COX15: variants seen among roughly 807,000 people sequenced by gnomAD.
The protein encoded by COX15 is heme A synthase COX15.
COX15 carries 51 observed loss-of-function variants against 51.9 expected under a neutral mutation model. The observed-to-expected ratio is 0.98, with a 90% CI of 0.78 to 1.24. The LOEUF is 1.24. Ranked by LOEUF, COX15 falls within the 50% of genes most tolerant of loss-of-function variation. The probability of loss-of-function intolerance (pLI) is 0.00; values close to 1 mark genes in which losing one functional copy is unlikely to be tolerated. For missense variants in COX15, 420 were observed against 501.1 expected (o/e 0.84, Z 1.55); for synonymous variants, 188 against 190.5 (o/e 0.99, Z 0.11).
intron 6 of COX15, 94 bp from the exon 7 acceptor site, chr10:99,718,594 A>T: frequency 7.9e-7 from 1 of 1,265,310 alleles, no homozygotes; most frequent in Non-Finnish European, 1.2e-6. Context: ...TCCCAGAGTT[A>T]AACTAAGGGA....
intron 2 of COX15, among the ~76,000 whole-genome samples, chr10:99,728,220 G>A (rs2037025082): frequency 6.6e-6 from 1 of 152,106 alleles, no homozygotes; most frequent in South Asian, 2.1e-4. Flanking sequence ...GGTAATTAGG[G>A]CCCTGCCAAA....
At position 99,723,990 on chromosome 10, in the gene COX15, C is replaced by T; in HGVS notation, c.716G>A (p.Trp239Ter). 3 of 1,613,978 alleles carry T rather than the reference C, an allele frequency of 1.9e-6. No homozygotes were observed. The highest frequency in any genetic ancestry group is 2.5e-6 in the Non-Finnish European group (3 of 1,180,012). The change falls in exon 5 of 9, where the codon TGG (tryptophan) becomes TAG (stop). Residue 239 changes from tryptophan to a stop codon, truncating the protein, a stop_gained. Coordinates refer to ENST00000016171, the MANE Select transcript of COX15 (RefSeq NM_078470.6). LOFTEE classifies it high-confidence loss of function. ...AGGGAGTAGCAGTGACAGTGAGGTC[C>T]ACAAGCTGGCACAATAAAGAACCAG... ...SALVLYCASL[W>*]TSLSLLLPPH...
Position 99,714,521 on chromosome 10 carries a change from A to G in COX15, c.*66T>C. 2 of 1,612,134 alleles carry G rather than the reference A, an allele frequency of 1.2e-6. No individual in the cohort carries two copies. The highest frequency in any genetic ancestry group is 1.3e-5 in the African/African-American group (1 of 75,006). On this transcript the variant is annotated 3_prime_UTR_variant, in exon 9 of 9. Coordinates refer to ENST00000016171, the MANE Select transcript of COX15 (RefSeq NM_078470.6). Reference sequence around the variant, plus strand: ...CAAGGTCATCTCGTAGAAAAGCCCAAGTTCTTATGATCTCTGAAGAGCTCT... The same window carrying G: ...CAAGGTCATCTCGTAGAAAAGCCCAGGTTCTTATGATCTCTGAAGAGCTCT...
intron 4 of COX15, 133 bp from the exon 5 acceptor site, chr10:99,724,256 C>T: frequency 1.0e-6 from 1 of 986,722 alleles, no homozygotes; most frequent in Non-Finnish European, 1.5e-6. Flanking sequence ...GATCTTGGCT[C>T]ACTGCAATCT....
rs148369594 is a variant in COX15, at chr10:99,731,857, T to C, written c.90+103A>G. On this transcript the variant is annotated intron_variant, in intron 1 of 8. Coordinates refer to ENST00000016171, the MANE Select transcript of COX15 (RefSeq NM_078470.6). ...GAACCTATGCGTTGTGAGTGCACTG[T>C]AAGGAGCTCCGGAAACGTGATGTGG... 36 of 1,461,592 alleles carry C rather than the reference T, an allele frequency of 2.5e-5. No homozygotes were observed. In the East Asian group the frequency reaches 8.4e-4, roughly 34 times the overall value. The allele number at this position is 1,461,592 out of a possible 1,614,324, so 90.5% of individuals were successfully genotyped here. A position where few individuals can be genotyped will look rare whatever the true frequency, so the allele number is the denominator to read the frequency against.
In COX15 at chr10:99,714,866, T is replaced by A. The variant is rs1053145836; in HGVS notation, c.1102-148A>T. 1.3e-5 allele frequency: 19 copies of A among 1,413,478 alleles called. No individual in the cohort carries two copies. The African/African-American group carries it at 2.1e-4, about 16-fold the overall frequency. 87.6% of individuals were successfully genotyped at this position (1,413,478 alleles called of 1,614,324 possible). A position where few individuals can be genotyped will look rare whatever the true frequency, so the allele number is the denominator to read the frequency against. On this transcript the variant is annotated intron_variant, in intron 8 of 8. Coordinates refer to ENST00000016171, the MANE Select transcript of COX15 (RefSeq NM_078470.6). ...ACATTTTTAATTTCACAAGCAAATA[T>A]GCTTACAATGAAAGAAATTCGAACA...
chr10:99,702,679 G>A, the COX15 span: 1 of 1,603,042 alleles, frequency 6.2e-7, no homozygotes, highest in East Asian at 2.2e-5. Flanking sequence ...CTCAGGTAAA[G>A]TAAGACTGAC....
rs753834020 is a variant in COX15, at chr10:99,716,338, T to A, written c.1101+10A>T. The A allele has an allele frequency of 1.3e-6, 2 of 1,578,616 alleles. No individual in the cohort carries two copies. ...GGGATACTGTCAGAACAAAAAGAAGTGGTTTATACCTGTGTATACGCCAAA... is the reference window on the plus strand; with the variant it reads ...GGGATACTGTCAGAACAAAAAGAAGAGGTTTATACCTGTGTATACGCCAAA... On this transcript the variant is annotated intron_variant, in intron 8 of 8. Transcript: ENST00000016171.
chr10:99,717,069 C>T (rs2036602136), intron 7 of COX15, among the ~76,000 whole-genome samples: 1 of 152,148 alleles, frequency 6.6e-6, no homozygotes, highest in Admixed American at 6.5e-5. Flanking sequence ...CAATTTCAAC[C>T]AGGCTTTACT....
At chr10:99,716,510 T>C (rs758586189) in intron 7 of COX15, 49 bp from the exon 8 acceptor site, 36 of 1,286,978 alleles carry the variant, frequency 2.8e-5, no homozygotes, top group Non-Finnish European at 4.1e-5. Flanking sequence ...GCCAGGTTTC[T>C]AACTCACCTT....
chr10:99,729,459 CAAAAA>C (rs35588478), intron 2 of COX15, 89 bp downstream of exon 2: 109,246 of 1,182,188 alleles, frequency 0.092, 46 homozygotes, highest in Middle Eastern at 0.19. Flanking sequence ...GACTCTGTCT[CAAAAA>C]AAAAAAAAAA....
intron 5 of COX15, among the ~76,000 whole-genome samples, chr10:99,721,424 G>A (rs1010632565): frequency 1.3e-5 from 2 of 152,226 alleles, no homozygotes; most frequent in Non-Finnish European, 2.9e-5. Flanking sequence ...ACGGTTGAAA[G>A]GATGTAGCTT....
chr10:99,704,849 T>A, the COX15 span: 3 of 650,720 alleles, frequency 4.6e-6, no homozygotes, highest in African/African-American at 3.7e-5. Context: ...TACCCAGGTC[T>A]TCTCTGAGAG....
chr10:99,714,702 C>T lies in COX15; in HGVS notation c.1118G>A (p.Ser373Asn). The change falls in exon 9 of 9, where the codon AGC (serine) becomes AAC (asparagine). Residue 373 changes from serine to asparagine, a missense_variant. Transcript: ENST00000016171. ...AGTTGGGACATACATCAGCAGCGTG[C>T]TGATGCCCAAGCCCACCTGTCACAA... ...LAYTQVGLGI[S>N]TLLMYVPTPL... The T allele has an allele frequency of 1.2e-6, 2 of 1,613,516 alleles. No individual in the cohort carries two copies. Among genetic ancestry groups the T allele is most frequent in the Non-Finnish European group, 1.7e-6 (2 of 1,180,008 alleles).
At chr10:99,720,865 A>C in intron 6 of COX15, 122 bp downstream of exon 6, 8 of 784,688 alleles carry the variant, frequency 1.0e-5, no homozygotes, top group African/African-American at 1.7e-5. Context: ...AGATGGGGGA[A>C]TGAGAGAAAC....
chr10:99,720,375 G>GGCAGAGGTTGCAGTGA (rs1229120063), intron 6 of COX15, among the ~76,000 whole-genome samples: 2 of 152,152 alleles, frequency 1.3e-5, no homozygotes, highest in African/African-American at 4.8e-5. Flanking sequence ...GATTTAGGGA[G>GGCAGAGGTTGCAGTGA]GCAGAGGTTG....
chr10:99,714,590 T>C lies in COX15; in HGVS notation c.1230A>G (p.Lys410=). Residue 410 remains lysine, a synonymous_variant, in exon 9 of 9, where the codon AAA becomes AAG. Transcript: ENST00000016171. ...WLMNELRRVP[K] ...CAGGAGGCTGGTCCTCTAAGAATCATTTTGGGACTCTTCGGAGTTCATTCA... is the reference window on the plus strand; with the variant it reads ...CAGGAGGCTGGTCCTCTAAGAATCACTTTGGGACTCTTCGGAGTTCATTCA... 6.2e-7 allele frequency: 1 copy of C among 1,614,052 alleles called. No individual in the cohort carries two copies. Among genetic ancestry groups the C allele is most frequent in the Non-Finnish European group, 8.5e-7 (1 of 1,179,956 alleles).
downstream of COX15, chr10:99,708,811 A>T: frequency 1.0e-6 from 1 of 985,316 alleles, no homozygotes; most frequent in Non-Finnish European, 1.2e-6. Context: ...AGTCATAGTG[A>T]CTGGCCTCCT....
downstream of COX15, chr10:99,708,689 G>C: frequency 5.0e-6 from 2 of 397,364 alleles, no homozygotes; most frequent in Non-Finnish European, 6.8e-6. Context: ...TGGGAACAGA[G>C]TTTCTAATAG....
Sources: gnomAD v4.1 joint callset for allele counts (sites outside exome capture counted in the v4.1 genomes callset) on GRCh38, gnomAD v4.1.1 for gene constraint, MANE v1.5 for transcripts, NCBI Gene and HGNC (gene_info 2026-07-23, HGNC 2026-07-21) for gene names.